RBFOX1: variants seen among roughly 807,000 people sequenced by gnomAD.
RBFOX1 encodes the protein RNA binding protein fox-1 homolog 1.
A neutral mutation model predicts 57.7 loss-of-function variants in RBFOX1; 8 were observed. The ratio of observed to expected loss-of-function variants is 0.14; its 90% CI spans 0.08 to 0.25. RBFOX1 has a LOEUF of 0.25. RBFOX1 is among the 10% of genes least tolerant of loss of function. The probability of loss-of-function intolerance (pLI) is 1.00; values close to 1 mark genes in which losing one functional copy is unlikely to be tolerated. For missense variants in RBFOX1, 611 were observed against 548.5 expected (o/e 1.11, Z -1.14); for synonymous variants, 326 against 222.4 (o/e 1.47, Z -4.15).
intron 4 of RBFOX1, among the ~76,000 whole-genome samples, chr16:7,119,578 A>G (rs2066656020): frequency 6.6e-6 from 1 of 152,116 alleles, no homozygotes; most frequent in Non-Finnish European, 1.5e-5. Context: ...ACTTCAGAGG[A>G]AAAACAACAA....
intron 4 of RBFOX1, among the ~76,000 whole-genome samples, chr16:5,981,599 G>C (rs2060174098): frequency 6.6e-6 from 1 of 152,204 alleles, no homozygotes; most frequent in South Asian, 2.1e-4. Flanking sequence ...CTCATGAGTA[G>C]CTGGGATTAT....
chr16:7,616,931 A>G (rs1389992849), intron 10 of RBFOX1, among the ~76,000 whole-genome samples: 1 of 152,112 alleles, frequency 6.6e-6, no homozygotes, highest in Non-Finnish European at 1.5e-5. Flanking sequence ...GTTGTGGAAA[A>G]TGTGCAAGGT....
At chr16:7,499,476 A>C (rs562564276) in intron 4 of RBFOX1, among the ~76,000 whole-genome samples, 4 of 149,174 alleles carry the variant, frequency 2.7e-5, no homozygotes, top group African/African-American at 7.3e-5. Flanking sequence ...GAATTTGAAA[A>C]TAAGACAATT....
chr16:6,763,885 C>T (rs1221465604), intron 3 of RBFOX1, among the ~76,000 whole-genome samples: 1 of 152,172 alleles, frequency 6.6e-6, no homozygotes, highest in East Asian at 1.9e-4. Flanking sequence ...GAAGTGCTTG[C>T]TTATGTTCAG....
At chr16:7,551,681 A>G (rs2086588593) in intron 5 of RBFOX1, among the ~76,000 whole-genome samples, 1 of 152,206 alleles carries the variant, frequency 6.6e-6, no homozygotes, top group South Asian at 2.1e-4. Context: ...GTTCAGTGGC[A>G]TGCAGGAAGC....
rs569027846 is a variant in RBFOX1, at chr16:5,879,577, C to G, written c.351+12242C>G. On this transcript the variant is annotated intron_variant, in intron 4 of 19. Coordinates refer to the RBFOX1 transcript ENST00000641259. ...ACTCCTGACCTCAGGTGATCTGCCT[C>G]TTTTGGCCTCCCAAAGTGCTGGGAT... is the stretch of plus-strand genomic sequence containing the variant. Among the ~76,000 whole-genome samples, 8 of 152,274 alleles carry G rather than the reference C, an allele frequency of 5.3e-5. No homozygotes were observed. In the South Asian group the frequency reaches 1.2e-3, roughly 24 times the overall value.
At chr16:7,580,927 G>C (rs1455544800) in intron 6 of RBFOX1, among the ~76,000 whole-genome samples, 2 of 152,180 alleles carry the variant, frequency 1.3e-5, no homozygotes, top group Non-Finnish European at 2.9e-5. Flanking sequence ...TCCTCTAAGA[G>C]TTAATAAATG....
chr16:7,437,762 C>T (rs112412355), intron 4 of RBFOX1, among the ~76,000 whole-genome samples: 1 of 151,868 alleles, frequency 6.6e-6, no homozygotes, highest in Non-Finnish European at 1.5e-5. Flanking sequence ...TACTGCTCGA[C>T]GTGGCAAAGA....
chr16:6,153,546 T>C (rs553596490), intron 1 of RBFOX1, among the ~76,000 whole-genome samples: 5 of 152,180 alleles, frequency 3.3e-5, no homozygotes, highest in Non-Finnish European at 5.9e-5. Flanking sequence ...GTTTTTTTTT[T>C]CCCCCTTGGG....
chr16:7,368,178 G>A (rs1250522894), intron 4 of RBFOX1, among the ~76,000 whole-genome samples: 4 of 150,434 alleles, frequency 2.7e-5, no homozygotes, highest in Non-Finnish European at 5.9e-5. Flanking sequence ...GAGGCAGGAG[G>A]ATCGCTTGAA....
At position 5,245,592 on chromosome 16, in the gene RBFOX1, G is replaced by A. The variant is rs1478975080; in HGVS notation, c.219+5487G>A. On this transcript the variant is annotated intron_variant, in intron 1 of 2. Transcript: ENST00000585867. The stretch of plus-strand genomic sequence containing the variant: ...CCCAAGTAGCTGGAAATGCAGATGC[G>A]CACCACCATGCCTGACTTTTGTATT... 2.6e-5 allele frequency among the ~76,000 whole-genome samples: 4 copies of A among 152,254 alleles called. No homozygotes were observed. In the South Asian group the frequency reaches 6.2e-4, roughly 24 times the overall value.
intron 4 of RBFOX1, among the ~76,000 whole-genome samples, chr16:7,242,050 C>A (rs1267631404): frequency 6.6e-6 from 1 of 152,078 alleles, no homozygotes; most frequent in African/African-American, 2.4e-5. Context: ...GATGCTATTA[C>A]CATAGGCACC....
intron 1 of RBFOX1, among the ~76,000 whole-genome samples, chr16:6,299,312 C>T (rs1294777283): frequency 1.3e-5 from 2 of 152,166 alleles, no homozygotes; most frequent in African/African-American, 4.8e-5. Flanking sequence ...TATTTACTGA[C>T]ATCATTGTTA....
chr16:5,710,864 C>T (rs1018950883), intron 3 of RBFOX1, among the ~76,000 whole-genome samples: 1 of 152,154 alleles, frequency 6.6e-6, no homozygotes, highest in African/African-American at 2.4e-5. Flanking sequence ...CTGGGGGAGC[C>T]AGAAAGGGAT....
chr16:7,021,119 C>G (rs2038904603), intron 3 of RBFOX1, among the ~76,000 whole-genome samples: 1 of 152,026 alleles, frequency 6.6e-6, no homozygotes. Context: ...GAGAGCAAGA[C>G]TCTTTTTCAA....
chr16:7,341,744 C>CTCCCTCCCTCCTTCCCTCCT (rs2096897107), intron 4 of RBFOX1, among the ~76,000 whole-genome samples: 1 of 121,130 alleles, frequency 8.3e-6, no homozygotes, highest in African/African-American at 3.2e-5. Context: ...CCTTCCCTCC[C>CTCCCTCCCTCCTTCCCTCCT]TCCCTCCCTC....
intron 3 of RBFOX1, among the ~76,000 whole-genome samples, chr16:5,755,708 C>T (rs550991847): frequency 6.6e-5 from 10 of 152,230 alleles, no homozygotes; most frequent in Admixed American, 5.2e-4. Flanking sequence ...AAGCGATTCT[C>T]CTGACTCGGC....
In RBFOX1 at chr16:5,347,581, C is replaced by T. The variant is rs140591203; in HGVS notation, c.219+107476C>T. ...CGACTCATCCTTCCACTCGTCTGTC[C>T]GTCTACCCACCCATCCACCCACCCA... On this transcript the variant is annotated intron_variant, in intron 1 of 2. Transcript: ENST00000585867. 7.3e-3 allele frequency among the ~76,000 whole-genome samples: 1,118 copies of T among 152,122 alleles called. 13 individuals carry two copies. The highest frequency in any genetic ancestry group is 0.012 in the South Asian group (60 of 4,816).
At chr16:7,673,344 C>G (rs1188549924) in intron 13 of RBFOX1, among the ~76,000 whole-genome samples, 1 of 152,136 alleles carries the variant, frequency 6.6e-6, no homozygotes, top group African/African-American at 2.4e-5. Context: ...TGAGCATCTG[C>G]CAAACCAGTT....
Sources: gnomAD v4.1 joint callset for allele counts (sites outside exome capture counted in the v4.1 genomes callset) on GRCh38, gnomAD v4.1.1 for gene constraint, MANE v1.5 for transcripts, NCBI Gene and HGNC (gene_info 2026-07-23, HGNC 2026-07-21) for gene names.